Variants in OCIAD2 observed in about 807,000 individuals in gnomAD.
OCIAD2 encodes the protein OCIA domain containing 2, also known as OCIA domain-containing protein 2.
Under a neutral mutation model 22.9 loss-of-function variants are expected in OCIAD2, and 29 were observed. The ratio of observed to expected loss-of-function variants is 1.27; its 90% CI spans 0.94 to 1.73. The LOEUF (loss-of-function observed/expected upper bound fraction) is 1.73. OCIAD2 is among the 40% of genes most tolerant of loss of function. The probability of loss-of-function intolerance (pLI) is 0.00; values close to 1 mark genes in which losing one functional copy is unlikely to be tolerated. For missense variants in OCIAD2, 189 were observed against 180.3 expected (o/e 1.05, Z -0.28); for synonymous variants, 67 against 60.2 (o/e 1.11, Z -0.52).
rs1227721583 is a variant in OCIAD2 at position 48,885,270 on chromosome 4, T to C, written c.*214A>G. The C allele has an allele frequency of 5.9e-6, 3 of 508,096 alleles. No homozygotes were observed. Among genetic ancestry groups the C allele is most frequent in the African/African-American group, 2.0e-5 (1 of 50,834 alleles). 31.5% of individuals were successfully genotyped at this position (508,096 alleles called of 1,614,324 possible). On this transcript the variant is annotated 3_prime_UTR_variant, in exon 7 of 7. Coordinates refer to ENST00000508632, the MANE Select transcript of OCIAD2 (RefSeq NM_001014446.3). ...TCCCAAAGTACTGGGATTACAGGCATGAGCCACTGCGCCATGCCCCGACAT... is the reference window on the plus strand; with the variant it reads ...TCCCAAAGTACTGGGATTACAGGCACGAGCCACTGCGCCATGCCCCGACAT...
At chr4:48,889,287 C>A (rs1305549936) in intron 6 of OCIAD2, among the ~76,000 whole-genome samples, 1 of 152,078 alleles carries the variant, frequency 6.6e-6, no homozygotes, top group Non-Finnish European at 1.5e-5. Flanking sequence ...TTCAAAAAAC[C>A]AGTTCCTGGA....
chr4:48,888,053 C>T (rs1781042896), intron 6 of OCIAD2, among the ~76,000 whole-genome samples: 1 of 152,186 alleles, frequency 6.6e-6, no homozygotes, highest in Non-Finnish European at 1.5e-5. Context: ...AGGTCCTTCA[C>T]ATCCCTTGTA....
In OCIAD2 at chr4:48,885,345, T is replaced by C. The variant is rs1780950597; in HGVS notation, c.*139A>G. The C allele has an allele frequency of 1.4e-6, 1 of 690,168 alleles. No homozygotes were observed. Among genetic ancestry groups the C allele is most frequent in the Non-Finnish European group, 2.6e-6 (1 of 381,350 alleles). 42.8% of individuals were successfully genotyped at this position (690,168 alleles called of 1,614,324 possible). ...TAACGCTTAGTTCACTTGAAAGCCTTCCACGGAATACATTTCAGTGAGTGA... is the reference window on the plus strand; with the variant it reads ...TAACGCTTAGTTCACTTGAAAGCCTCCCACGGAATACATTTCAGTGAGTGA... On this transcript the variant is annotated 3_prime_UTR_variant, in exon 7 of 7. Coordinates refer to ENST00000508632, the MANE Select transcript of OCIAD2 (RefSeq NM_001014446.3).
chr4:48,895,182 A>G (rs1366602498), intron 4 of OCIAD2, among the ~76,000 whole-genome samples: 1 of 152,232 alleles, frequency 6.6e-6, no homozygotes, highest in African/African-American at 2.4e-5. Context: ...CCTTGATTTT[A>G]GCCCAGTGAG....
At chr4:48,895,425 G>T (rs925857925) in intron 4 of OCIAD2, among the ~76,000 whole-genome samples, 1 of 152,206 alleles carries the variant, frequency 6.6e-6, no homozygotes, top group Non-Finnish European at 1.5e-5. Context: ...TTGGCTCACA[G>T]TTCTGGAGGC....
chr4:48,885,494 G>T lies in OCIAD2; in HGVS notation c.455C>A (p.Ser152Ter), dbSNP rs779058178. ...GLSEKGDSQPSAS is the reference protein window; with the variant it reads ...GLSEKGDSQP ...TCACAGACACAGAATTTAGGAAGCT[G>T]AAGGCTGAGAGTCTCCCTTCTCACT... Residue 152 changes from serine to a stop codon, truncating the protein, a stop_gained, in exon 7 of 7, where the codon TCA becomes TAA. Coordinates refer to ENST00000508632, the MANE Select transcript of OCIAD2 (RefSeq NM_001014446.3). LOFTEE classifies it high-confidence loss of function. The T allele has an allele frequency of 6.3e-7, 1 of 1,597,940 alleles. No individual in the cohort carries two copies. The highest frequency in any genetic ancestry group is 8.6e-7 in the Non-Finnish European group (1 of 1,165,386).
At chr4:48,893,837 T>G (rs1781237360) in intron 5 of OCIAD2, 169 bp downstream of exon 5, 1 of 352,734 alleles carries the variant, frequency 2.8e-6, no homozygotes, top group African/African-American at 2.1e-5. Context: ...TTCAAAGTTT[T>G]TATTTATTTA....
chr4:48,900,504 T>C (rs1781393096), intron 2 of OCIAD2, among the ~76,000 whole-genome samples: 1 of 152,174 alleles, frequency 6.6e-6, no homozygotes, highest in Non-Finnish European at 1.5e-5. Context: ...ATAAGTGGTG[T>C]GCACATAATT....
chr4:48,895,021 A>G (rs1781271903), intron 4 of OCIAD2, among the ~76,000 whole-genome samples: 1 of 152,246 alleles, frequency 6.6e-6, no homozygotes, highest in African/African-American at 2.4e-5. Flanking sequence ...GGTGACAGGC[A>G]GAGAGATGGC....
At position 48,885,441 on chromosome 4, in the gene OCIAD2, A is replaced by C. The variant is rs775152110; in HGVS notation, c.*43T>G. 1.8e-5 allele frequency: 18 copies of C among 1,023,446 alleles called. No individual in the cohort carries two copies. The highest frequency in any genetic ancestry group is 3.2e-5 in the African/African-American group (2 of 62,630). The allele number at this position is 1,023,446 out of a possible 1,614,324, so 63.4% of individuals were successfully genotyped here. On this transcript the variant is annotated 3_prime_UTR_variant, in exon 7 of 7. Transcript: ENST00000508632. ...ACACTTGAAATTTTAAATGTGTACA[A>C]ATTCAGAGGTTTAAAAAACTTCGAA...
chr4:48,897,894 A>T, intron 3 of OCIAD2, 37 bp from the exon 4 acceptor site: 1 of 1,489,348 alleles, frequency 6.7e-7, no homozygotes, highest in Non-Finnish European at 9.3e-7. Flanking sequence ...TTGGTATTTT[A>T]AAAATTGGCA....
chr4:48,896,792 C>G (rs1351694116), intron 4 of OCIAD2, among the ~76,000 whole-genome samples: 1 of 152,006 alleles, frequency 6.6e-6, no homozygotes, highest in Non-Finnish European at 1.5e-5. Context: ...ATAGCAAAAT[C>G]CTGTTAATCA....
chr4:48,894,582 T>G lies in OCIAD2; in HGVS notation c.218-529A>C, dbSNP rs561273012. Among the ~76,000 whole-genome samples the G allele has an allele frequency of 9.2e-5, 14 of 152,298 alleles. No homozygotes were observed. In the South Asian group the frequency reaches 2.9e-3, roughly 32 times the overall value. ...TTTTAGGCAAATTACAAATATTAGC[T>G]GTAATGTGTAGAAAAATAATATGAA... On this transcript the variant is annotated intron_variant, in intron 4 of 6. Transcript: ENST00000508632.
intron 6 of OCIAD2, among the ~76,000 whole-genome samples, chr4:48,889,673 T>C (rs1157393165): frequency 6.6e-6 from 1 of 152,200 alleles, no homozygotes; most frequent in Admixed American, 6.5e-5. Flanking sequence ...GTAAAGTAGT[T>C]CAACCATTAT....
chr4:48,890,652 T>C (rs1454997013), intron 6 of OCIAD2, among the ~76,000 whole-genome samples: 1 of 152,216 alleles, frequency 6.6e-6, no homozygotes, highest in African/African-American at 2.4e-5. Context: ...CGCATTTGAA[T>C]ATGAAATAGA....
At chr4:48,900,055 A>G (rs1781382147) in intron 2 of OCIAD2, 130 bp from the exon 3 acceptor site, 1 of 576,490 alleles carries the variant, frequency 1.7e-6, no homozygotes, top group East Asian at 3.1e-5. Flanking sequence ...AGGCAGCCCA[A>G]AGCAATTATC....
intron 6 of OCIAD2, 149 bp from the exon 7 acceptor site, chr4:48,885,714 G>A (rs920855841): frequency 4.9e-5 from 27 of 550,356 alleles, no homozygotes; most frequent in African/African-American, 4.8e-4. Context: ...CTGGTCTCGA[G>A]GGCTCAAGGG....
intron 6 of OCIAD2, among the ~76,000 whole-genome samples, chr4:48,891,401 T>C (rs1781175357): frequency 6.6e-6 from 1 of 152,202 alleles, no homozygotes. Context: ...AGCAATTCAT[T>C]ATCAGCTATG....
At chr4:48,892,933 T>C in intron 5 of OCIAD2, 44 bp from the exon 6 acceptor site, 1 of 974,042 alleles carries the variant, frequency 1.0e-6, no homozygotes, top group Non-Finnish European at 1.6e-6. Flanking sequence ...ATCTTCTCCA[T>C]TAGTTATTTT....
Sources: allele counts gnomAD v4.1 joint callset (sites outside exome capture counted in the v4.1 genomes callset), GRCh38; gene constraint gnomAD v4.1.1; transcripts MANE v1.5; gene names NCBI Gene and HGNC (gene_info 2026-07-23, HGNC 2026-07-21).